Variants in IGF2BP2 observed in about 807,000 individuals in gnomAD.
The protein encoded by IGF2BP2 is insulin like growth factor 2 mRNA binding protein 2, also known as insulin-like growth factor 2 mRNA-binding protein 2.
Under a neutral mutation model 75.8 loss-of-function variants are expected in IGF2BP2, and 17 were observed. That is an observed-to-expected ratio of 0.22 (90% CI 0.15 to 0.34). IGF2BP2 has a LOEUF of 0.34. Ranked by LOEUF, IGF2BP2 falls within the 10% of genes least tolerant of loss-of-function variation. The pLI is 1.00. For missense variants in IGF2BP2, 516 were observed against 772.4 expected (o/e 0.67, Z 3.93); for synonymous variants, 288 against 295.6 (o/e 0.97, Z 0.26).
At chr3:185,668,506 G>T (rs61282138) in intron 10 of IGF2BP2, among the ~76,000 whole-genome samples, 7,879 of 126,898 alleles carry the variant, frequency 0.062, 235 homozygotes, top group African/African-American at 0.074. Flanking sequence ...GAGAGAGAGA[G>T]AGATATATAT....
intron 10 of IGF2BP2, among the ~76,000 whole-genome samples, chr3:185,665,305 A>G (rs1218717182): frequency 8.5e-4 from 53 of 62,498 alleles, no homozygotes; most frequent in East Asian, 1.6e-3. Flanking sequence ...GGAGAAGGAG[A>G]AGGAGCAGAA....
At chr3:185,773,540 CTTAG>C (rs1734154304) in intron 2 of IGF2BP2, among the ~76,000 whole-genome samples, 4 of 152,126 alleles carry the variant, frequency 2.6e-5, no homozygotes, top group African/African-American at 9.7e-5. Context: ...CTTAAAACTA[CTTAG>C]TTAAAAACAG....
In IGF2BP2 at chr3:185,675,874, G is replaced by A. The variant is rs1363029228; in HGVS notation, c.852C>T (p.Gly284=). The stretch of plus-strand genomic sequence containing the variant: ...CTTTTCCAATCAGTCTTCCAACCAA[G>A]CCATTGTGTGCCAAGATTTTCAGAG... The part of the protein sequence containing the change: ...EIPLKILAHN[G]LVGRLIGKEG... Residue 284 remains glycine, a synonymous_variant, in exon 8 of 16, where the codon GGC becomes GGT. Transcript: ENST00000382199. 7 of 1,613,836 alleles carry A rather than the reference G, an allele frequency of 4.3e-6. No homozygotes were observed. The highest frequency in any genetic ancestry group is 5.9e-6 in the Non-Finnish European group (7 of 1,179,968).
chr3:185,749,212 A>G (rs998473493), intron 2 of IGF2BP2, among the ~76,000 whole-genome samples: 4 of 152,230 alleles, frequency 2.6e-5, no homozygotes, highest in African/African-American at 9.6e-5. Context: ...TTCTGGCTTG[A>G]TTTTACTGAG....
chr3:185,701,088 A>G (rs1367507028), intron 2 of IGF2BP2, among the ~76,000 whole-genome samples: 1 of 152,012 alleles, frequency 6.6e-6, no homozygotes. Context: ...ACTTTTTTAT[A>G]TTTTTTTAAA....
intron 3 of IGF2BP2, among the ~76,000 whole-genome samples, chr3:185,697,955 G>A (rs1722797673): frequency 6.6e-6 from 1 of 152,142 alleles, no homozygotes; most frequent in Non-Finnish European, 1.5e-5. Flanking sequence ...CTGCACTCCA[G>A]CCTGGGTGAC....
intron 7 of IGF2BP2, among the ~76,000 whole-genome samples, chr3:185,681,172 C>T (rs1720332152): frequency 1.3e-5 from 2 of 152,154 alleles, no homozygotes; most frequent in South Asian, 2.1e-4. Context: ...ACAGATGACA[C>T]GATTTTATAT....
intron 2 of IGF2BP2, among the ~76,000 whole-genome samples, chr3:185,776,347 G>A (rs1183262784): frequency 6.6e-6 from 1 of 152,190 alleles, no homozygotes; most frequent in East Asian, 1.9e-4. Flanking sequence ...AGAGAGAACA[G>A]ATCCACAACA....
At chr3:185,692,806 G>A (rs753505367) in intron 4 of IGF2BP2, 44 bp from the exon 5 acceptor site, 2 of 1,573,756 alleles carry the variant, frequency 1.3e-6, no homozygotes, top group East Asian at 2.2e-5. Flanking sequence ...AAAAAGTGCT[G>A]TCACCCTCTG....
chr3:185,706,545 G>A (rs1359933581), intron 2 of IGF2BP2, among the ~76,000 whole-genome samples: 1 of 152,194 alleles, frequency 6.6e-6, no homozygotes, highest in Non-Finnish European at 1.5e-5. Context: ...CCTCTATTGG[G>A]TTAGAGTAGA....
chr3:185,699,779 T>C (rs1387042248), intron 2 of IGF2BP2, among the ~76,000 whole-genome samples: 1 of 152,162 alleles, frequency 6.6e-6, no homozygotes, highest in African/African-American at 2.4e-5. Flanking sequence ...TATCCTGAAG[T>C]ATATTTAATC....
At chr3:185,796,721 G>T (rs1578335756) in intron 2 of IGF2BP2, among the ~76,000 whole-genome samples, 1 of 151,668 alleles carries the variant, frequency 6.6e-6, no homozygotes, top group Non-Finnish European at 1.5e-5. Flanking sequence ...CCAGAGTGTA[G>T]TACCTGTATA....
intron 10 of IGF2BP2, among the ~76,000 whole-genome samples, chr3:185,660,032 G>A (rs1015701818): frequency 4.6e-5 from 7 of 152,186 alleles, no homozygotes; most frequent in African/African-American, 1.7e-4. Flanking sequence ...GACCTCAAGT[G>A]ATCCACCCGC....
chr3:185,673,931 G>T (rs1718900070), intron 9 of IGF2BP2, among the ~76,000 whole-genome samples: 1 of 152,180 alleles, frequency 6.6e-6, no homozygotes, highest in Non-Finnish European at 1.5e-5. Context: ...AAGATGTCAA[G>T]AACCCACAGG....
chr3:185,646,620 C>CA (rs1713603045), intron 15 of IGF2BP2, among the ~76,000 whole-genome samples: 1 of 152,142 alleles, frequency 6.6e-6, no homozygotes, highest in Non-Finnish European at 1.5e-5. Context: ...TAGTCTTTCA[C>CA]AGGGAGTGCT....
At chr3:185,696,464 C>CATAGATGTGAGAGAT in intron 4 of IGF2BP2, 148 bp downstream of exon 4, 1 of 656,126 alleles carries the variant, frequency 1.5e-6, no homozygotes, top group Non-Finnish European at 2.7e-6. Context: ...ATGTAAGATA[C>CATAGATGTGAGAGAT]ATCTTACATA....
intron 2 of IGF2BP2, among the ~76,000 whole-genome samples, chr3:185,735,270 C>T (rs1443981599): frequency 2.6e-5 from 4 of 151,864 alleles, no homozygotes; most frequent in East Asian, 3.9e-4. Context: ...CTCAGCCTCC[C>T]GAGTAGCTGG....
chr3:185,751,160 T>C (rs977620108), intron 2 of IGF2BP2, among the ~76,000 whole-genome samples: 1 of 152,144 alleles, frequency 6.6e-6, no homozygotes, highest in East Asian at 1.9e-4. Context: ...TTGCAGTGAG[T>C]GGAGACTGCG....
intron 2 of IGF2BP2, among the ~76,000 whole-genome samples, chr3:185,723,172 C>T (rs6777038): frequency 0.11 from 16,666 of 152,188 alleles, 1,115 homozygotes; most frequent in South Asian, 0.34. Context: ...ATGATTCCAT[C>T]AAATCCAGTC....
Sources: gnomAD v4.1 joint callset for allele counts (sites outside exome capture counted in the v4.1 genomes callset) on GRCh38, gnomAD v4.1.1 for gene constraint, MANE v1.5 for transcripts, NCBI Gene and HGNC (gene_info 2026-07-23, HGNC 2026-07-21) for gene names.